DDX10: variants seen among roughly 807,000 people sequenced by gnomAD.
DDX10 encodes the protein probable ATP-dependent RNA helicase DDX10.
In DDX10, 74 loss-of-function variants were observed where a neutral mutation model predicts 104.3. That is an observed-to-expected ratio of 0.71 (90% CI 0.59 to 0.86). The LOEUF is 0.86. DDX10 is among the 40% of genes least tolerant of loss of function. The pLI, the probability that DDX10 is intolerant of heterozygous loss-of-function variation, is 0.00. For missense variants in DDX10, 952 were observed against 1,040.0 expected (o/e 0.92, Z 1.16); for synonymous variants, 351 against 353.4 (o/e 0.99, Z 0.08).
chr11:108,723,225 T>C lies in DDX10; in HGVS notation c.1728T>C (p.Asp576=). The C allele has an allele frequency of 6.2e-7, 1 of 1,613,670 alleles. No homozygotes were observed. The highest frequency in any genetic ancestry group is 8.5e-7 in the Non-Finnish European group (1 of 1,179,834). Residue 576 remains aspartate, a synonymous_variant, in exon 13 of 18, where the codon GAT becomes GAC. Transcript: ENST00000322536. ...GGACAGAGCACAGACAGGATAATGA[T>C]ACTGGTAATGAAGAACAGGAAGAAG... ...LEGTEHRQDN[D]TGNEEQEEEE... is the part of the protein sequence containing the mutation.
At chr11:108,823,988 C>A (rs1388557022) in intron 13 of DDX10, among the ~76,000 whole-genome samples, 1 of 151,452 alleles carries the variant, frequency 6.6e-6, no homozygotes, top group East Asian at 1.9e-4. Context: ...TGAGATACTC[C>A]CCTAAGAGAA....
intron 6 of DDX10, among the ~76,000 whole-genome samples, chr11:108,685,733 C>A (rs963529136): frequency 6.6e-6 from 1 of 152,140 alleles, no homozygotes; most frequent in Non-Finnish European, 1.5e-5. Context: ...TTTATTAAGC[C>A]TCATTTAAAA....
intron 16 of DDX10, among the ~76,000 whole-genome samples, chr11:108,913,800 CAT>C (rs1198572721): frequency 1.3e-5 from 2 of 152,168 alleles, no homozygotes; most frequent in African/African-American, 4.8e-5. Flanking sequence ...GCTAAAAAGA[CAT>C]AGTACTTCAG....
At chr11:108,883,811 C>G (rs1266887682) in intron 16 of DDX10, among the ~76,000 whole-genome samples, 1 of 152,210 alleles carries the variant, frequency 6.6e-6, no homozygotes, top group Non-Finnish European at 1.5e-5. Context: ...GCCTTTGACA[C>G]AGTTGTCTGT....
At chr11:108,774,092 G>A (rs750190128) in intron 13 of DDX10, among the ~76,000 whole-genome samples, 3 of 152,228 alleles carry the variant, frequency 2.0e-5, no homozygotes, top group Non-Finnish European at 4.4e-5. Flanking sequence ...TACTGTGTAA[G>A]CAGTGGACAA....
At chr11:108,736,443 T>A (rs2094318511) in intron 13 of DDX10, among the ~76,000 whole-genome samples, 1 of 152,170 alleles carries the variant, frequency 6.6e-6, no homozygotes, top group Non-Finnish European at 1.5e-5. Context: ...GATTTGGCCT[T>A]ATAAGTGATA....
intron 16 of DDX10, 97 bp downstream of exon 16, chr11:108,852,306 A>G (rs1181279653): frequency 2.5e-6 from 2 of 798,746 alleles, no homozygotes; most frequent in African/African-American, 3.6e-5. Context: ...ATAATGTTAA[A>G]ATGGAATTTA....
chr11:108,769,426 G>A (rs1184724989), intron 13 of DDX10, among the ~76,000 whole-genome samples: 3 of 151,316 alleles, frequency 2.0e-5, no homozygotes, highest in East Asian at 3.9e-4. Context: ...AGTTATATTT[G>A]GTTCTTTTTC....
chr11:108,821,746 TTAAA>T (rs1339210993), intron 13 of DDX10, among the ~76,000 whole-genome samples: 2 of 152,222 alleles, frequency 1.3e-5, no homozygotes, highest in Non-Finnish European at 2.9e-5. Flanking sequence ...GTGAGAATTG[TTAAA>T]TAATCTTTAT....
At chr11:108,684,141 C>CTTTTT (rs56168476) in intron 6 of DDX10, among the ~76,000 whole-genome samples, 1 of 31,304 alleles carries the variant, frequency 3.2e-5, no homozygotes, top group Non-Finnish European at 5.9e-5. Flanking sequence ...ATTTCCAGTT[C>CTTTTT]TTTTTTTTTT....
At position 108,940,435 on chromosome 11, in the gene DDX10, G is replaced by A. The variant is rs367878899; in HGVS notation, c.*12G>A. On this transcript the variant is annotated 3_prime_UTR_variant, in exon 18 of 18. Coordinates refer to ENST00000322536, the MANE Select transcript of DDX10 (RefSeq NM_004398.4). Reference sequence around the variant, plus strand: ...GAAGTCAAAGCTAAATACTTCCTGCGCCTGCCTTCTCCTTGAAACCTTGGT... The same window carrying A: ...GAAGTCAAAGCTAAATACTTCCTGCACCTGCCTTCTCCTTGAAACCTTGGT... The A allele has an allele frequency of 3.2e-5, 52 of 1,609,308 alleles. 1 individual carries two copies. The South Asian group carries it at 4.9e-4, about 15-fold the overall frequency.
intron 13 of DDX10, among the ~76,000 whole-genome samples, chr11:108,745,285 C>T (rs570735583): frequency 6.9e-6 from 1 of 145,822 alleles, no homozygotes; most frequent in South Asian, 2.3e-4. Flanking sequence ...TTCCGTCTTA[C>T]TCTGTCACCC....
intron 16 of DDX10, among the ~76,000 whole-genome samples, chr11:108,884,310 C>G (rs1863265331): frequency 6.6e-6 from 1 of 152,104 alleles, no homozygotes; most frequent in Admixed American, 6.6e-5. Flanking sequence ...TTTAACATAC[C>G]AGGCACATGG....
At chr11:108,794,282 T>TC (rs1861910143) in intron 13 of DDX10, among the ~76,000 whole-genome samples, 1 of 152,138 alleles carries the variant, frequency 6.6e-6, no homozygotes, top group South Asian at 2.1e-4. Flanking sequence ...TAGTAGCTTT[T>TC]TTGTAGGTTT....
chr11:108,838,593 G>C (rs367546080), intron 14 of DDX10, 28 bp downstream of exon 14: 2 of 1,592,422 alleles, frequency 1.3e-6, no homozygotes, highest in African/African-American at 1.4e-5. Flanking sequence ...TTTCATTTCT[G>C]AGGTGCATTT....
At position 108,794,923 on chromosome 11, in the gene DDX10, G is replaced by A. The variant is rs528234735; in HGVS notation, c.1966-43523G>A. On this transcript the variant is annotated intron_variant, in intron 13 of 17. Coordinates refer to ENST00000322536, the MANE Select transcript of DDX10 (RefSeq NM_004398.4). Reference sequence around the variant, plus strand: ...CTCACCTGTAACCTCCGCCTCCCGGGTTCAAGTGATTCTCCTGCCTTAGCC... The same window carrying A: ...CTCACCTGTAACCTCCGCCTCCCGGATTCAAGTGATTCTCCTGCCTTAGCC... Among the ~76,000 whole-genome samples, 6 of 151,494 alleles carry A rather than the reference G, an allele frequency of 4.0e-5. No individual in the cohort carries two copies. In the South Asian group the frequency reaches 1.3e-3, roughly 32 times the overall value.
intron 16 of DDX10, among the ~76,000 whole-genome samples, chr11:108,853,425 C>T (rs1444633670): frequency 6.6e-6 from 1 of 152,056 alleles, no homozygotes; most frequent in Non-Finnish European, 1.5e-5. Context: ...AAGATATAAT[C>T]TAGAGCCAAA....
chr11:108,794,838 T>G (rs1185393503), intron 13 of DDX10, among the ~76,000 whole-genome samples: 5 of 152,090 alleles, frequency 3.3e-5, no homozygotes, highest in Non-Finnish European at 5.9e-5. Context: ...CTCTCTTTTT[T>G]TTTTTTGAGA....
chr11:108,726,345 CT>C (rs2094305428), intron 13 of DDX10, among the ~76,000 whole-genome samples: 1 of 151,854 alleles, frequency 6.6e-6, no homozygotes, highest in Admixed American at 6.6e-5. Context: ...ATAACAATAC[CT>C]TTTTATTTAG....
Sources: gnomAD v4.1 joint callset for allele counts (sites outside exome capture counted in the v4.1 genomes callset) on GRCh38, gnomAD v4.1.1 for gene constraint, MANE v1.5 for transcripts, NCBI Gene and HGNC (gene_info 2026-07-23, HGNC 2026-07-21) for gene names.